SNX31: variants seen among roughly 807,000 people sequenced by gnomAD.
The protein encoded by SNX31 is sorting nexin 31, also known as sorting nexin-31.
SNX31 carries 58 observed loss-of-function variants against 65.4 expected under a neutral mutation model. The observed-to-expected ratio is 0.89, with a 90% CI of 0.72 to 1.10. The LOEUF is 1.10. Ranked by LOEUF, SNX31 falls within the 50% of genes least tolerant of loss-of-function variation. The pLI is 0.00. For missense variants in SNX31, 523 were observed against 529.7 expected (o/e 0.99, Z 0.12); for synonymous variants, 181 against 190.1 (o/e 0.95, Z 0.39).
chr8:100,623,943 T>C (rs964742325), intron 4 of SNX31, among the ~76,000 whole-genome samples: 4 of 151,938 alleles, frequency 2.6e-5, no homozygotes, highest in Non-Finnish European at 5.9e-5. Context: ...TAGTCATATG[T>C]TTTGAGACAA....
rs1813001845 is a variant in SNX31 at position 100,575,791 on chromosome 8, C to T, written c.1227+1228G>A. The stretch of plus-strand genomic sequence containing the variant: ...CAATTCTGGTTGTATAATAGGACCA[C>T]TTGGGGAGCTTTTAAAAATTCCATT... On this transcript the variant is annotated intron_variant, in intron 13 of 13. Coordinates refer to ENST00000311812, the MANE Select transcript of SNX31 (RefSeq NM_152628.4). The surrounding 1 kb of genome is among the most constrained non-coding windows in gnomAD (Gnocchi z 5.1). Among the ~76,000 whole-genome samples the T allele has an allele frequency of 6.6e-6, 1 of 152,184 alleles. No homozygotes were observed. Among genetic ancestry groups the T allele is most frequent in the Non-Finnish European group, 1.5e-5 (1 of 68,036 alleles).
intron 1 of SNX31, among the ~76,000 whole-genome samples, chr8:100,658,811 C>T (rs1314344097): frequency 3.3e-5 from 5 of 152,126 alleles, no homozygotes. Flanking sequence ...TCAAGAGGTT[C>T]TTTGCGATGA....
Position 100,649,628 on chromosome 8 carries a change from C to G in SNX31, c.-114G>C. The G allele has an allele frequency of 2.0e-6, 2 of 1,010,254 alleles. No individual in the cohort carries two copies. Among genetic ancestry groups the G allele is most frequent in the East Asian group, 2.9e-5 (1 of 35,078 alleles). 62.6% of individuals were successfully genotyped at this position (1,010,254 alleles called of 1,614,324 possible). A position where few individuals can be genotyped will look rare whatever the true frequency, so the allele number is the denominator to read the frequency against. On this transcript the variant is annotated 5_prime_UTR_variant, in exon 1 of 14. Transcript: ENST00000311812. ...GCGCGGCCTGCCACGCGACTCAGAGCGAACCCCGGCGCCCGCTCTCGCCGG... is the reference window on the plus strand; with the variant it reads ...GCGCGGCCTGCCACGCGACTCAGAGGGAACCCCGGCGCCCGCTCTCGCCGG...
chr8:100,642,477 C>T (rs1587073907), intron 2 of SNX31, among the ~76,000 whole-genome samples: 1 of 152,326 alleles, frequency 6.6e-6, no homozygotes, highest in Non-Finnish European at 1.5e-5. Flanking sequence ...GAAAAATCAA[C>T]AAGGATTAAG....
chr8:100,638,391 A>T (rs1936206220), intron 2 of SNX31, among the ~76,000 whole-genome samples: 2 of 152,358 alleles, frequency 1.3e-5, no homozygotes, highest in East Asian at 1.9e-4. Flanking sequence ...GCCACTTGAA[A>T]TATTGTAATT....
chr8:100,650,850 G>GTTTTTTTTT (rs58797178), upstream of SNX31, among the ~76,000 whole-genome samples: 35 of 136,954 alleles, frequency 2.6e-4, no homozygotes, highest in East Asian at 1.1e-3. Flanking sequence ...GTGTTTTTTT[G>GTTTTTTTTT]TTTTTTTTTT....
Position 100,635,950 on chromosome 8 carries a change from G to A in SNX31, c.203C>T (p.Thr68Ile), listed in dbSNP as rs1178766525. 7 of 1,613,998 alleles carry A rather than the reference G, an allele frequency of 4.3e-6. No homozygotes were observed. In the African/African-American group the frequency reaches 8.0e-5, roughly 18 times the overall value. ...PFPPKYYLAM[T>I]TAMADERRDQ... Reference sequence around the variant, plus strand: ...CCTCCTCTCATCAGCCATAGCTGTGGTCATTGCCAGATAGTACTTTGGTGG... The same window carrying A: ...CCTCCTCTCATCAGCCATAGCTGTGATCATTGCCAGATAGTACTTTGGTGG... The change falls in exon 3 of 14, where the codon ACC becomes ATC. Residue 68 changes from threonine (T) to isoleucine (I), a missense_variant. Coordinates refer to ENST00000311812, the MANE Select transcript of SNX31 (RefSeq NM_152628.4).
Position 100,581,323 on chromosome 8 carries a change from ATC to A in SNX31, c.1170+2786_1170+2787del, listed in dbSNP as rs1186712927. ...TTAAAAAAATTTTTTATATATCTAT[ATC>A]TATCTATCTATCTATATATATATAT... On this transcript the variant is annotated intron_variant, in intron 12 of 13. Transcript: ENST00000311812. 4.7e-3 allele frequency among the ~76,000 whole-genome samples: 591 copies of A among 125,106 alleles called. 16 individuals are homozygous for A. The highest frequency in any genetic ancestry group is 0.023 in the African/African-American group (567 of 24,700). 82.1% of individuals were successfully genotyped at this position (125,106 alleles called of 152,430 possible). A position where few individuals can be genotyped will look rare whatever the true frequency, so the allele number is the denominator to read the frequency against.
chr8:100,601,684 A>C (rs1339773415), intron 8 of SNX31, among the ~76,000 whole-genome samples: 1 of 152,240 alleles, frequency 6.6e-6, no homozygotes, highest in African/African-American at 2.4e-5. Context: ...GCCTAGGGTA[A>C]CCATCATCAG....
chr8:100,639,449 T>C (rs1019803004), intron 2 of SNX31, among the ~76,000 whole-genome samples: 3 of 152,202 alleles, frequency 2.0e-5, no homozygotes, highest in Admixed American at 6.5e-5. Context: ...TTAACAGCAC[T>C]ATACTGCCAC....
rs1816556127 is a variant in SNX31 at position 100,609,937 on chromosome 8, T to G, written c.612-1374A>C. On this transcript the variant is annotated intron_variant, in intron 7 of 13. Coordinates refer to ENST00000311812, the MANE Select transcript of SNX31 (RefSeq NM_152628.4). This position sits in a 1 kb window ranked among gnomAD's most constrained non-coding sequence, Gnocchi z 4.9. Reference sequence around the variant, plus strand: ...TCTCTCCTTAAGGACAGAGAAGTCCTTAAGACGCCACTTAGGCCTCACTGA... The same window carrying G: ...TCTCTCCTTAAGGACAGAGAAGTCCGTAAGACGCCACTTAGGCCTCACTGA... Among the ~76,000 whole-genome samples, 1 of 152,188 alleles carries G rather than the reference T, an allele frequency of 6.6e-6. No homozygotes were observed. Among genetic ancestry groups the G allele is most frequent in the African/African-American group, 2.4e-5 (1 of 41,458 alleles).
intron 3 of SNX31, among the ~76,000 whole-genome samples, chr8:100,634,710 C>G (rs1436611985): frequency 1.3e-5 from 2 of 151,204 alleles, no homozygotes; most frequent in African/African-American, 4.9e-5. Flanking sequence ...GGTCACACCA[C>G]TGCACTCCAG....
rs1192004836 is a variant in SNX31, at chr8:100,635,927, T to G, written c.226A>C (p.Arg76=). 1.2e-6 allele frequency: 2 copies of G among 1,613,942 alleles called. No homozygotes were observed. Among genetic ancestry groups the G allele is most frequent in the African/African-American group, 2.7e-5 (2 of 74,928 alleles). ...AMTTAMADER[R]DQLEQYLQNV... ...TGCAAATATTGTTCCAGTTGGTCCC[T>G]CCTCTCATCAGCCATAGCTGTGGTC... The change falls in exon 3 of 14, where the codon AGG becomes CGG. Residue 76 remains arginine (R), a synonymous_variant. Coordinates refer to ENST00000311812, the MANE Select transcript of SNX31 (RefSeq NM_152628.4).
intron 2 of SNX31, among the ~76,000 whole-genome samples, chr8:100,640,892 A>G (rs1383415677): frequency 6.6e-6 from 1 of 152,218 alleles, no homozygotes. Context: ...GGGTCCTGGA[A>G]GAGAAATAGG....
At chr8:100,587,812 C>A (rs1814188591) in intron 11 of SNX31, among the ~76,000 whole-genome samples, 1 of 152,032 alleles carries the variant, frequency 6.6e-6, no homozygotes, top group African/African-American at 2.4e-5. Context: ...GACTTGGGTC[C>A]CATCCTCAAG....
In SNX31 at chr8:100,594,490, T is replaced by C. The variant is rs940515141; in HGVS notation, c.978+2149A>G. On this transcript the variant is annotated intron_variant, in intron 10 of 13. Transcript: ENST00000311812. The surrounding 1 kb of genome is among the most constrained non-coding windows in gnomAD (Gnocchi z 4.0). ...CCAATTCAAAAATGGGTAAAAGATA[T>C]GAGAAGACATTTTACCAAAGAAGAT... Among the ~76,000 whole-genome samples, 6 of 152,018 alleles carry C rather than the reference T, an allele frequency of 3.9e-5. No individual in the cohort carries two copies. The highest frequency in any genetic ancestry group is 1.5e-4 in the African/African-American group (6 of 41,378).
At chr8:100,593,417 G>C (rs187608335) in intron 10 of SNX31, among the ~76,000 whole-genome samples, 2 of 152,186 alleles carry the variant, frequency 1.3e-5, no homozygotes, top group South Asian at 4.2e-4. Context: ...CAAACAAAAG[G>C]TTGGGGATGG....
At chr8:100,579,353 A>C (rs1813306073) in intron 12 of SNX31, among the ~76,000 whole-genome samples, 1 of 152,198 alleles carries the variant, frequency 6.6e-6, no homozygotes, top group Admixed American at 6.5e-5. Context: ...TGGGGAAACA[A>C]GCAAATCTTT....
intron 8 of SNX31, among the ~76,000 whole-genome samples, chr8:100,603,714 G>A (rs1815870920): frequency 6.7e-6 from 1 of 150,202 alleles, no homozygotes; most frequent in Non-Finnish European, 1.5e-5. Flanking sequence ...CCAAAGTTCT[G>A]GGATTACAGG....
Sources: gnomAD v4.1 joint callset for allele counts (sites outside exome capture counted in the v4.1 genomes callset) on GRCh38, gnomAD v4.1.1 for gene constraint, Gnocchi (gnomAD v3.1) non-coding constraint, MANE v1.5 for transcripts, NCBI Gene and HGNC (gene_info 2026-07-23, HGNC 2026-07-21) for gene names.